DOCK4: variants seen among roughly 807,000 people sequenced by gnomAD.
DOCK4 encodes the protein dedicator of cytokinesis 4.
Under a neutral mutation model 268.1 loss-of-function variants are expected in DOCK4, and 97 were observed. That is an observed-to-expected ratio of 0.36 (90% CI 0.31 to 0.43). DOCK4 has a LOEUF of 0.43. Among genes scored for constraint, DOCK4 ranks in the 20% least tolerant of loss-of-function variants. DOCK4 has a pLI of 1.00. For missense variants in DOCK4, 2,145 were observed against 2,455.7 expected (o/e 0.87, Z 2.67); for synonymous variants, 954 against 887.2 (o/e 1.08, Z -1.34).
chr7:111,879,276 C>A (rs573504479), intron 16 of DOCK4, among the ~76,000 whole-genome samples: 1 of 152,120 alleles, frequency 6.6e-6, no homozygotes, highest in South Asian at 2.1e-4. Flanking sequence ...CAGGATTCAT[C>A]CCTTGCTAAC....
chr7:111,976,144 A>C (rs1798141065), intron 8 of DOCK4, among the ~76,000 whole-genome samples: 1 of 63,356 alleles, frequency 1.6e-5, no homozygotes, highest in African/African-American at 9.9e-5. Context: ...CCATCTCAAA[A>C]AAAAAAAAAA....
intron 34 of DOCK4, among the ~76,000 whole-genome samples, chr7:111,783,260 A>G (rs1002907789): frequency 2.6e-5 from 4 of 152,178 alleles, no homozygotes; most frequent in African/African-American, 9.7e-5. Flanking sequence ...TACACTTCCT[A>G]CAGTAGGGTG....
At chr7:111,910,285 T>C (rs1447181764) in intron 13 of DOCK4, among the ~76,000 whole-genome samples, 1 of 152,212 alleles carries the variant, frequency 6.6e-6, no homozygotes, top group African/African-American at 2.4e-5. Flanking sequence ...GAATGTCTGA[T>C]GGATGGAAAC....
At chr7:112,108,613 T>C (rs1339167104) in intron 1 of DOCK4, among the ~76,000 whole-genome samples, 8 of 152,200 alleles carry the variant, frequency 5.3e-5, no homozygotes, top group Non-Finnish European at 1.0e-4. Context: ...ACTTAGATAA[T>C]TAAAAAGGTA....
chr7:111,829,951 C>T (rs992181899), intron 26 of DOCK4, among the ~76,000 whole-genome samples: 1 of 152,066 alleles, frequency 6.6e-6, no homozygotes, highest in Non-Finnish European at 1.5e-5. Flanking sequence ...TATATATGTA[C>T]ATTATCATTA....
chr7:111,788,468 C>T (rs1799321606), intron 32 of DOCK4, 194 bp downstream of exon 32: 1 of 576,892 alleles, frequency 1.7e-6, no homozygotes, highest in South Asian at 2.2e-5. Flanking sequence ...GGAAGACATG[C>T]CTAATCATCA....
intron 1 of DOCK4, among the ~76,000 whole-genome samples, chr7:112,197,382 G>A (rs1820545386): frequency 6.6e-6 from 1 of 151,024 alleles, no homozygotes; most frequent in East Asian, 1.9e-4. Context: ...GTTCTTAAAT[G>A]CTGTTTCAGG....
rs458 is a variant in DOCK4 at position 112,014,577 on chromosome 7, C to T, written c.38-10446G>A. Among the ~76,000 whole-genome samples, 142 of 151,484 alleles carry T rather than the reference C, an allele frequency of 9.4e-4. 1 individual carries two copies. The highest frequency in any genetic ancestry group is 1.3e-3 in the Non-Finnish European group (87 of 67,822). ...TGCTTTCAGGCTAGTTCTCCTTCTA[C>T]ACCTCACAGAGTTCTACACCTCTGT... On this transcript the variant is annotated intron_variant, in intron 1 of 52. Transcript: ENST00000428084.
intron 13 of DOCK4, among the ~76,000 whole-genome samples, chr7:111,910,101 C>G (rs1791969640): frequency 6.6e-6 from 1 of 151,918 alleles, no homozygotes; most frequent in Admixed American, 6.6e-5. Flanking sequence ...TATGTGGGAA[C>G]AAGTCTCTAA....
At chr7:112,173,938 G>C (rs1818292358) in intron 1 of DOCK4, among the ~76,000 whole-genome samples, 1 of 152,114 alleles carries the variant, frequency 6.6e-6, no homozygotes, top group Non-Finnish European at 1.5e-5. Context: ...GCCCTGGGCA[G>C]GTGACCCACA....
chr7:112,024,664 G>A (rs965075704), intron 1 of DOCK4, among the ~76,000 whole-genome samples: 3 of 152,108 alleles, frequency 2.0e-5, no homozygotes, highest in African/African-American at 7.3e-5. Context: ...AGCTCTTCCT[G>A]CTTCAGAAAC....
At chr7:111,933,106 A>G (rs1794343828) in intron 12 of DOCK4, among the ~76,000 whole-genome samples, 1 of 141,052 alleles carries the variant, frequency 7.1e-6, no homozygotes, top group African/African-American at 2.7e-5. Flanking sequence ...ACACATATAT[A>G]TACGTATATA....
intron 23 of DOCK4, among the ~76,000 whole-genome samples, chr7:111,848,957 T>C (rs546181763): frequency 1.3e-5 from 2 of 152,278 alleles, no homozygotes; most frequent in South Asian, 4.1e-4. Flanking sequence ...ACCTCAGCCT[T>C]TAATTAGCCA....
intron 19 of DOCK4, 40 bp from the exon 20 acceptor site, chr7:111,872,130 A>C (rs1265226928): frequency 6.8e-7 from 1 of 1,480,272 alleles, no homozygotes; most frequent in Non-Finnish European, 9.0e-7. Context: ...CTAAATGCAA[A>C]TCAAGGTTTT....
chr7:111,783,687 A>C (rs535479227), intron 34 of DOCK4, among the ~76,000 whole-genome samples, 170 bp downstream of exon 34: 1 of 152,260 alleles, frequency 6.6e-6, no homozygotes, highest in South Asian at 2.1e-4. Context: ...GCTCAAATTA[A>C]CAGCTCTGAA....
chr7:112,094,735 G>A (rs927891813), intron 1 of DOCK4, among the ~76,000 whole-genome samples: 1 of 152,178 alleles, frequency 6.6e-6, no homozygotes, highest in East Asian at 1.9e-4. Flanking sequence ...TAACTCCCCA[G>A]TGTTGGAGGT....
chr7:111,767,258 C>T, intron 37 of DOCK4, 140 bp from the exon 38 acceptor site: 2 of 634,194 alleles, frequency 3.2e-6, no homozygotes, highest in Non-Finnish European at 5.2e-6. Context: ...GATGGAGTCT[C>T]ACTCTGTCAC....
chr7:112,177,007 G>A (rs1289344101), intron 1 of DOCK4, among the ~76,000 whole-genome samples: 1 of 152,094 alleles, frequency 6.6e-6, no homozygotes, highest in Non-Finnish European at 1.5e-5. Flanking sequence ...AATGAGGGAA[G>A]GAAGAAAATA....
At chr7:111,852,829 A>G (rs1804693091) in intron 23 of DOCK4, among the ~76,000 whole-genome samples, 1 of 152,236 alleles carries the variant, frequency 6.6e-6, no homozygotes, top group South Asian at 2.1e-4. Context: ...TGACTGGTTG[A>G]TATGCTAATT....
Sources: allele counts gnomAD v4.1 joint callset (sites outside exome capture counted in the v4.1 genomes callset), GRCh38; gene constraint gnomAD v4.1.1; transcripts MANE v1.5; gene names NCBI Gene and HGNC (gene_info 2026-07-23, HGNC 2026-07-21).